The following FMN2 variants were observed in gnomAD, a reference collection of about 807,000 sequenced individuals.
FMN2 encodes formin-2.
A neutral mutation model predicts 142.3 loss-of-function variants in FMN2; 51 were observed. That is an observed-to-expected ratio of 0.36 (90% CI 0.29 to 0.45). The LOEUF (loss-of-function observed/expected upper bound fraction) is 0.45, where lower values mean the gene tolerates loss of function less well. Ranked by LOEUF, FMN2 falls within the 20% of genes least tolerant of loss-of-function variation. The pLI, the probability that FMN2 is intolerant of heterozygous loss-of-function variation, is 1.00. For synonymous variants in FMN2, 882 were observed against 869.8 expected (o/e 1.01, Z -0.25); for missense variants, 1,936 against 2,122.8 (o/e 0.91, Z 1.73).
intron 14 of FMN2, among the ~76,000 whole-genome samples, chr1:240,376,746 G>A (rs1558460637): frequency 6.6e-6 from 1 of 152,192 alleles, no homozygotes. Flanking sequence ...GTATCTGTGG[G>A]ATACCATAGA....
chr1:240,240,650 CTTATA>C (rs1667866689), intron 6 of FMN2, among the ~76,000 whole-genome samples: 1 of 152,122 alleles, frequency 6.6e-6, no homozygotes, highest in African/African-American at 2.4e-5. Flanking sequence ...TATTGGTTTT[CTTATA>C]TTTTAATTTT....
rs5782134 is a variant in FMN2, at chr1:240,325,343, CAAAAA to C, written c.4216-3720_4216-3716del. 1.1e-4 allele frequency among the ~76,000 whole-genome samples: 12 copies of C among 108,082 alleles called. 1 individual carries two copies. The highest frequency in any genetic ancestry group is 9.7e-5 in the Non-Finnish European group (5 of 51,536). 70.9% of individuals were successfully genotyped at this position (108,082 alleles called of 152,430 possible). On this transcript the variant is annotated intron_variant, in intron 8 of 17. Coordinates refer to ENST00000319653, the MANE Select transcript of FMN2 (RefSeq NM_020066.5). Reference sequence around the variant, plus strand: ...GGGTGACACGGTGAGACCCTGTCTCCAAAAAAAAAAAAAAAAAGAGAAGGATAAGG... The same window carrying C: ...GGGTGACACGGTGAGACCCTGTCTCCAAAAAAAAAAAAGAGAAGGATAAGG...
At chr1:240,341,521 TC>T (rs1426999235) in intron 13 of FMN2, 1 of 152,034 alleles carries the variant, frequency 6.6e-6, no homozygotes, top group African/African-American at 2.4e-5. Flanking sequence ...GCTAAACCTG[TC>T]CTCTTTTGTA....
At chr1:240,375,294 C>T (rs1431689923) in intron 14 of FMN2, among the ~76,000 whole-genome samples, 4 of 152,124 alleles carry the variant, frequency 2.6e-5, no homozygotes, top group Non-Finnish European at 4.4e-5. Context: ...AAAGTGAGCA[C>T]ATGATGTTGT....
intron 16 of FMN2, among the ~76,000 whole-genome samples, chr1:240,463,485 T>C (rs960040582): frequency 1.3e-5 from 2 of 152,122 alleles, no homozygotes; most frequent in Non-Finnish European, 2.9e-5. Context: ...GGCTAGAGGA[T>C]TGGATCTAAA....
chr1:240,343,098 T>G (rs1405639709), intron 13 of FMN2, among the ~76,000 whole-genome samples: 1 of 152,160 alleles, frequency 6.6e-6, no homozygotes, highest in East Asian at 1.9e-4. Context: ...CAGGTATATA[T>G]CTAACAGATA....
At chr1:240,359,929 C>A (rs537528326) in intron 14 of FMN2, among the ~76,000 whole-genome samples, 1 of 152,308 alleles carries the variant, frequency 6.6e-6, no homozygotes, top group East Asian at 1.9e-4. Flanking sequence ...GTACCTAGAA[C>A]AATGCACAGT....
rs748213843 is a variant in FMN2 at position 240,092,329 on chromosome 1, G to A, written c.220G>A (p.Val74Met). ...GAGCAAGTCCGACTCCAGAGCCTCGGTGTTTTCCAACCTGCGGATCAGGAA... is the reference window on the plus strand; with the variant it reads ...GAGCAAGTCCGACTCCAGAGCCTCGATGTTTTCCAACCTGCGGATCAGGAA... Reference protein sequence around the residue: ...KKSKSDSRASVFSNLRIRKNL... With the variant: ...KKSKSDSRASMFSNLRIRKNL... Residue 74 changes from valine (V) to methionine (M), a missense_variant, in exon 1 of 18, where the codon GTG (valine) becomes ATG (methionine). Around this residue, in one of 8 missense-constraint regions of FMN2, gnomAD observed 751 missense variants for 791.8 expected, o/e 0.95. Coordinates refer to ENST00000319653, the MANE Select transcript of FMN2 (RefSeq NM_020066.5). The A allele has an allele frequency of 1.2e-6, 2 of 1,607,908 alleles. No individual in the cohort carries two copies. The highest frequency in any genetic ancestry group is 1.7e-6 in the Non-Finnish European group (2 of 1,176,416).
chr1:240,424,315 C>T (rs554523628), intron 15 of FMN2, among the ~76,000 whole-genome samples: 1 of 152,098 alleles, frequency 6.6e-6, no homozygotes, highest in Non-Finnish European at 1.5e-5. Flanking sequence ...TTGGCAGTAG[C>T]TACTGCAGAC....
intron 2 of FMN2, among the ~76,000 whole-genome samples, chr1:240,146,979 G>T (rs1385139650): frequency 2.0e-5 from 3 of 152,096 alleles, no homozygotes; most frequent in Admixed American, 2.0e-4. Context: ...GTGGAAGACG[G>T]GGCAATTAGA....
chr1:240,397,785 CAAAAAAAAAAAAA>C (rs35826717), intron 15 of FMN2, among the ~76,000 whole-genome samples: 2 of 46,816 alleles, frequency 4.3e-5, no homozygotes, highest in African/African-American at 8.0e-5. Context: ...GACTCCTTCT[CAAAAAAAAAAAAA>C]AAAAAAAAAA....
intron 1 of FMN2, among the ~76,000 whole-genome samples, chr1:240,121,735 T>TAAA (rs71168898): frequency 0.019 from 477 of 25,668 alleles, 75 homozygotes; most frequent in Non-Finnish European, 0.019. Context: ...AGGGAAATAG[T>TAAA]AAAAAAAAAA....
At chr1:240,285,659 G>A (rs899110338) in intron 7 of FMN2, among the ~76,000 whole-genome samples, 4 of 152,120 alleles carry the variant, frequency 2.6e-5, no homozygotes, top group African/African-American at 9.7e-5. Context: ...TGGTATCCTG[G>A]AAGCTAGGAT....
intron 2 of FMN2, among the ~76,000 whole-genome samples, chr1:240,167,796 G>T: frequency 6.6e-6 from 1 of 152,120 alleles, no homozygotes; most frequent in Non-Finnish European, 1.5e-5. Flanking sequence ...TAGAAAATAG[G>T]CTGGGCACGG....
chr1:240,366,608 C>T (rs888496366), intron 14 of FMN2, among the ~76,000 whole-genome samples: 5 of 150,358 alleles, frequency 3.3e-5, no homozygotes, highest in African/African-American at 7.4e-5. Context: ...GGCACGATCT[C>T]GGCTCACCGC....
intron 15 of FMN2, among the ~76,000 whole-genome samples, chr1:240,397,973 C>G (rs983526504): frequency 4.7e-5 from 7 of 150,460 alleles, no homozygotes; most frequent in African/African-American, 1.5e-4. Context: ...AAGAAGTTCT[C>G]TGCCATTAAT....
intron 16 of FMN2, among the ~76,000 whole-genome samples, chr1:240,450,511 C>T (rs1675973995): frequency 6.6e-6 from 1 of 152,222 alleles, no homozygotes; most frequent in Non-Finnish European, 1.5e-5. Flanking sequence ...TAATACTAAA[C>T]ATTCCCTAAC....
At chr1:240,253,066 CG>C (rs1402197125) in intron 6 of FMN2, among the ~76,000 whole-genome samples, 1 of 149,300 alleles carries the variant, frequency 6.7e-6, no homozygotes, top group Admixed American at 6.8e-5. Context: ...GATTCTCCTG[CG>C]TCAGCCTCCT....
chr1:240,467,164 T>C (rs1558123111), intron 16 of FMN2, among the ~76,000 whole-genome samples: 1 of 152,180 alleles, frequency 6.6e-6, no homozygotes, highest in Non-Finnish European at 1.5e-5. Context: ...CAGACTGCCT[T>C]ACATATCTCA....
Sources: allele counts gnomAD v4.1 joint callset (sites outside exome capture counted in the v4.1 genomes callset), GRCh38; gene constraint gnomAD v4.1.1; regional missense constraint gnomAD v4.1.1; transcripts MANE v1.5; gene names NCBI Gene and HGNC (gene_info 2026-07-23, HGNC 2026-07-21).